Variants in TENM1 observed in about 807,000 individuals in gnomAD.
TENM1 encodes the protein teneurin-1.
TENM1 carries 35 observed loss-of-function variants against 174.8 expected under a neutral mutation model. That is an observed-to-expected ratio of 0.20 (90% confidence interval 0.15 to 0.27). TENM1 has a LOEUF of 0.27. Among genes scored for constraint, TENM1 ranks in the 10% least tolerant of loss-of-function variants. The pLI is 1.00. For synonymous variants in TENM1, 781 were observed against 798.7 expected (o/e 0.98, Z 0.37); for missense variants, 1,633 against 2,130.1 (o/e 0.77, Z 4.59).
rs371480850 is a variant in TENM1, at chrX:124,767,648, C to T, written c.536-30451G>A. On this transcript the variant is annotated intron_variant, in intron 3 of 31. Coordinates refer to ENST00000422452, the Ensembl canonical transcript of TENM1. ...TTAGGGGCAGAAAATTATGCTTAAA[C>T]TTATTATTCTGTGGTTCATACAATA... Among the ~76,000 whole-genome samples, 3 of 110,783 alleles carry T rather than the reference C, an allele frequency of 2.7e-5. No homozygotes were observed. The South Asian group carries it at 1.1e-3, about 42-fold the overall frequency.
intron 3 of TENM1, among the ~76,000 whole-genome samples, chrX:124,827,873 A>C (rs2056202982): frequency 8.9e-6 from 1 of 112,004 alleles, no homozygotes; most frequent in Admixed American, 9.5e-5. Flanking sequence ...CTCTTTAAGA[A>C]AACTCAATAT....
At chrX:124,741,370 G>T (rs903120389) in intron 3 of TENM1, among the ~76,000 whole-genome samples, 5 of 111,797 alleles carry the variant, frequency 4.5e-5, no homozygotes, top group East Asian at 2.8e-4. Flanking sequence ...GTCTATCAGG[G>T]TGTTTTGTCC....
chrX:124,600,442 T>C (rs757640038), intron 11 of TENM1, among the ~76,000 whole-genome samples: 2 of 111,766 alleles, frequency 1.8e-5, no homozygotes, highest in African/African-American at 3.2e-5. Context: ...ATAAATGAAT[T>C]AATAAATTGA....
chrX:124,904,574 T>C (rs1003941980), intron 1 of TENM1, among the ~76,000 whole-genome samples: 7 of 112,476 alleles, frequency 6.2e-5, no homozygotes, highest in Non-Finnish European at 1.3e-4. Context: ...ATAACAGATG[T>C]TCCACAAATT....
chrX:125,053,235 G>C, the TENM1 span, among the ~76,000 whole-genome samples: 1 of 111,803 alleles, frequency 8.9e-6, no homozygotes, highest in Admixed American at 9.5e-5. Flanking sequence ...GAAGGTATCT[G>C]TGTTCTTTGC....
chrX:124,504,459 C>G (rs1401001074), intron 18 of TENM1, among the ~76,000 whole-genome samples: 1 of 108,582 alleles, frequency 9.2e-6, no homozygotes, highest in Non-Finnish European at 1.9e-5. Context: ...CTCTACTGAA[C>G]TATGTATAGC....
chrX:124,438,684 A>G (rs1199775333), intron 23 of TENM1, among the ~76,000 whole-genome samples: 2 of 111,628 alleles, frequency 1.8e-5, no homozygotes, highest in Non-Finnish European at 3.8e-5. Flanking sequence ...AACTTTGGCT[A>G]TTTGCTTGTG....
chrX:124,836,680 A>C (rs1293417840), intron 3 of TENM1, among the ~76,000 whole-genome samples: 2 of 112,562 alleles, frequency 1.8e-5, no homozygotes, highest in African/African-American at 6.4e-5. Flanking sequence ...TTCTAGAATC[A>C]GAATCAAAAC....
At chrX:124,605,976 C>T (rs748287427) in intron 11 of TENM1, among the ~76,000 whole-genome samples, 1 of 111,536 alleles carries the variant, frequency 9.0e-6, no homozygotes, top group East Asian at 2.8e-4. Context: ...AATGGAAATT[C>T]GATTTTTTCC....
At chrX:125,001,970 CACAA>C in the TENM1 span, among the ~76,000 whole-genome samples, 4 of 99,442 alleles carry the variant, frequency 4.0e-5, no homozygotes, top group Non-Finnish European at 8.0e-5. Flanking sequence ...CACACACACA[CACAA>C]GATCAAGTCA....
At chrX:124,920,992 CT>C (rs57791567) in intron 1 of TENM1, among the ~76,000 whole-genome samples, 2,747 of 85,772 alleles carry the variant, frequency 0.032, 75 homozygotes, top group African/African-American at 0.09. Context: ...TATAACAAGA[CT>C]TTTTTTTTTT....
chrX:124,498,599 G>T (rs1288954621), intron 19 of TENM1, among the ~76,000 whole-genome samples: 1 of 108,465 alleles, frequency 9.2e-6, no homozygotes, highest in African/African-American at 3.4e-5. Flanking sequence ...CCATGCTATT[G>T]TCTTTATCTT....
chrX:125,139,338 G>A, the TENM1 span, among the ~76,000 whole-genome samples: 1 of 111,098 alleles, frequency 9.0e-6, no homozygotes, highest in Admixed American at 9.6e-5. Flanking sequence ...CATCCGTGAA[G>A]TATAGGGGAA....
intron 1 of TENM1, among the ~76,000 whole-genome samples, chrX:124,942,599 A>T (rs2058345824): frequency 8.9e-6 from 1 of 112,089 alleles, no homozygotes; most frequent in Admixed American, 9.5e-5. Context: ...GCAGAGAGGT[A>T]AAAAACAGCG....
At chrX:124,576,571 A>T (rs760413495) in intron 11 of TENM1, among the ~76,000 whole-genome samples, 2 of 112,411 alleles carry the variant, frequency 1.8e-5, no homozygotes, top group Non-Finnish European at 3.8e-5. Context: ...GACATCAGTA[A>T]AACAGTGCTC....
chrX:124,848,487 T>C (rs1476156267), intron 3 of TENM1, among the ~76,000 whole-genome samples: 1 of 111,387 alleles, frequency 9.0e-6, no homozygotes, highest in Non-Finnish European at 1.9e-5. Flanking sequence ...GTTGCTAGGA[T>C]TGTAAATGTA....
At chrX:125,147,081 ACG>A in the TENM1 span, among the ~76,000 whole-genome samples, 22 of 108,911 alleles carry the variant, frequency 2.0e-4, no homozygotes, top group African/African-American at 7.3e-4. Context: ...TTATACACAC[ACG>A]TGTGTGTATA....
chrX:124,839,442 T>C (rs1371248676), intron 3 of TENM1, among the ~76,000 whole-genome samples: 4 of 111,685 alleles, frequency 3.6e-5, no homozygotes, highest in African/African-American at 1.3e-4. Context: ...GAGTTTAATA[T>C]TGGTTGTGTG....
At chrX:125,112,591 T>A in the TENM1 span, among the ~76,000 whole-genome samples, 9 of 111,383 alleles carry the variant, frequency 8.1e-5, no homozygotes, top group Non-Finnish European at 1.7e-4. Context: ...CAAATTCCAA[T>A]TACTCACCAG....
Sources: gnomAD v4.1 joint callset for allele counts (sites outside exome capture counted in the v4.1 genomes callset) on GRCh38, gnomAD v4.1.1 for gene constraint, MANE v1.5 for transcripts, NCBI Gene and HGNC (gene_info 2026-07-23, HGNC 2026-07-21) for gene names.